Variants in AK8 observed in about 807,000 individuals in gnomAD.
AK8 encodes the protein adenylate kinase 8.
A neutral mutation model predicts 54.6 loss-of-function variants in AK8; 44 were observed. The observed-to-expected ratio is 0.81, with a 90% CI of 0.63 to 1.04. The LOEUF (loss-of-function observed/expected upper bound fraction) is 1.04, where lower values mean the gene tolerates loss of function less well. Among genes scored for constraint, AK8 ranks in the 50% least tolerant of loss-of-function variants. The probability of loss-of-function intolerance (pLI) is 0.00; values close to 1 mark genes in which losing one functional copy is unlikely to be tolerated. For synonymous variants in AK8, 239 were observed against 245.6 expected (o/e 0.97, Z 0.25); for missense variants, 555 against 613.6 (o/e 0.90, Z 1.01).
At chr9:132,771,209 T>C (rs552168860) in intron 11 of AK8, among the ~76,000 whole-genome samples, 3 of 152,288 alleles carry the variant, frequency 2.0e-5, no homozygotes, top group Admixed American at 2.0e-4. Context: ...CACCCTTTCC[T>C]GGTCTTGCTG....
rs1340737830 is a variant in AK8 at position 132,826,856 on chromosome 9, T to C, written c.755A>G (p.Gln252Arg). The C allele has an allele frequency of 6.2e-7, 1 of 1,614,226 alleles. No homozygotes were observed. The highest frequency in any genetic ancestry group is 2.2e-5 in the East Asian group (1 of 44,890). The change falls in exon 8 of 13, where the codon CAG (glutamine) becomes CGG (arginine). Residue 252 changes from glutamine (Q) to arginine (R), a missense_variant and splice_region_variant. Transcript: ENST00000298545. This position sits in a 1 kb window ranked among gnomAD's most constrained non-coding sequence, Gnocchi z 4.5. ...ADQPCVDVFY[Q>R]ALTYVQSNHR... ...TGGGGCTGCCTGCTTGTGTTTACCC[T>C]GGTAGAAGACGTCCACACATGGCTG...
chr9:132,784,264 A>G lies in AK8; in HGVS notation c.1121+8370T>C, dbSNP rs1330154116. 6.9e-5 allele frequency among the ~76,000 whole-genome samples: 9 copies of G among 130,876 alleles called. No homozygotes were observed. The Admixed American group carries it at 7.1e-4, about 10-fold the overall frequency. 85.9% of individuals were successfully genotyped at this position (130,876 alleles called of 152,430 possible). A position where few individuals can be genotyped will look rare whatever the true frequency, so the allele number is the denominator to read the frequency against. On this transcript the variant is annotated intron_variant, in intron 11 of 12. Transcript: ENST00000298545. ...GCCGGGCGCAGTGGCTCATGCCTGT[A>G]ATCCCAGCACTTTGGGAGGTTGAGG...
chr9:132,850,054 A>ATT (rs779350912), intron 5 of AK8, among the ~76,000 whole-genome samples: 9,276 of 101,280 alleles, frequency 0.092, 394 homozygotes, highest in Admixed American at 0.14. Flanking sequence ...ACCCTAGTAC[A>ATT]TTTTTTTTTT....
Position 132,727,281 on chromosome 9 carries a change from C to T in AK8, c.1202+173G>A, listed in dbSNP as rs7856950. ...TCCTGGTTATTCTTCCAGGCAAAGA[C>T]GGTCAACAGATATTGCACAGAACAG... On this transcript the variant is annotated intron_variant, in intron 12 of 12. Coordinates refer to ENST00000298545, the MANE Select transcript of AK8 (RefSeq NM_152572.3). 1.8e-4 allele frequency among the ~76,000 whole-genome samples: 28 copies of T among 152,122 alleles called. No homozygotes were observed. In the East Asian group the frequency reaches 3.1e-3, roughly 17 times the overall value.
chr9:132,875,057 GGAA>G, intron 2 of AK8, 55 bp downstream of exon 2: 1 of 1,603,396 alleles, frequency 6.2e-7, no homozygotes, highest in Non-Finnish European at 8.5e-7. Flanking sequence ...GGGAAGAAGG[GGAA>G]GGAGGAGGAG....
chr9:132,748,727 A>T (rs1176501636), intron 11 of AK8, among the ~76,000 whole-genome samples: 1 of 151,852 alleles, frequency 6.6e-6, no homozygotes, highest in Non-Finnish European at 1.5e-5. Flanking sequence ...TAAAAGATGC[A>T]AATATGTACT....
At chr9:132,730,316 C>T (rs934604319) in intron 11 of AK8, among the ~76,000 whole-genome samples, 1 of 152,162 alleles carries the variant, frequency 6.6e-6, no homozygotes, top group South Asian at 2.1e-4. Context: ...ACAGGTGTCA[C>T]CTGCTCTGTC....
At chr9:132,773,067 A>G (rs749313254) in intron 11 of AK8, among the ~76,000 whole-genome samples, 2 of 152,160 alleles carry the variant, frequency 1.3e-5, no homozygotes, top group African/African-American at 2.4e-5. Context: ...ACATCACTCC[A>G]AGGAAAAGCC....
At chr9:132,869,806 G>A (rs1194649561) in intron 2 of AK8, among the ~76,000 whole-genome samples, 1 of 152,238 alleles carries the variant, frequency 6.6e-6, no homozygotes, top group African/African-American at 2.4e-5. Context: ...GGTTTGTGGG[G>A]AGGAGTGGCA....
At chr9:132,821,850 A>C (rs1348625169) in intron 9 of AK8, among the ~76,000 whole-genome samples, 4 of 76,558 alleles carry the variant, frequency 5.2e-5, no homozygotes, top group Non-Finnish European at 7.2e-5. Flanking sequence ...TGTATATACA[A>C]ATATATACAT....
At position 132,826,961 on chromosome 9, in the gene AK8, T is replaced by G; in HGVS notation, c.650A>C (p.Gln217Pro). 2 of 1,614,264 alleles carry G rather than the reference T, an allele frequency of 1.2e-6. No individual in the cohort carries two copies. Among genetic ancestry groups the G allele is most frequent in the Non-Finnish European group, 1.7e-6 (2 of 1,180,036 alleles). The change falls in exon 8 of 13, where the codon CAG (glutamine) becomes CCG (proline). Residue 217 changes from glutamine to proline, a missense_variant. Gln to Pro is a moderately conservative substitution (Grantham distance 76). Coordinates refer to ENST00000298545, the MANE Select transcript of AK8 (RefSeq NM_152572.3). This position sits in a 1 kb window ranked among gnomAD's most constrained non-coding sequence, Gnocchi z 4.5. ...PEDISELETAQKLLEYHRNIV... is the reference protein window; with the variant it reads ...PEDISELETAPKLLEYHRNIV... ...GTTCCTATGATACTCCAGCAGTTTCTGAGCCGTCTCCAGCTCTGAGATGTC... is the reference window on the plus strand; with the variant it reads ...GTTCCTATGATACTCCAGCAGTTTCGGAGCCGTCTCCAGCTCTGAGATGTC...
chr9:132,844,683 A>T (rs977072198), intron 5 of AK8, among the ~76,000 whole-genome samples: 1 of 152,216 alleles, frequency 6.6e-6, no homozygotes, highest in African/African-American at 2.4e-5. Context: ...ATTGAAGGAG[A>T]TATTTCTTTA....
chr9:132,765,395 C>G (rs904899150), intron 11 of AK8, among the ~76,000 whole-genome samples: 1 of 149,938 alleles, frequency 6.7e-6, no homozygotes, highest in African/African-American at 2.4e-5. Flanking sequence ...TGCAATAGAT[C>G]ACACCAACAG....
chr9:132,771,092 C>T (rs2131089194), intron 11 of AK8, among the ~76,000 whole-genome samples: 1 of 152,278 alleles, frequency 6.6e-6, no homozygotes, highest in Non-Finnish European at 1.5e-5. Context: ...CCAGGGACTC[C>T]GTCTCAGTCC....
upstream of AK8, chr9:132,878,612 G>A: frequency 1.9e-6 from 2 of 1,076,122 alleles, no homozygotes; most frequent in Non-Finnish European, 2.3e-6. This position sits in a 1 kb window ranked among gnomAD's most constrained non-coding sequence, Gnocchi z 4.7. Flanking sequence ...GGTTCTGTCA[G>A]TGCTCCCCGG....
At chr9:132,801,745 G>A (rs915623124) in intron 10 of AK8, among the ~76,000 whole-genome samples, 4 of 152,198 alleles carry the variant, frequency 2.6e-5, no homozygotes, top group Admixed American at 1.3e-4. Flanking sequence ...TGATGAGCCT[G>A]GCCCTGTTCT....
chr9:132,801,373 A>G (rs1415092988), intron 10 of AK8, among the ~76,000 whole-genome samples: 1 of 152,206 alleles, frequency 6.6e-6, no homozygotes, highest in Non-Finnish European at 1.5e-5. Flanking sequence ...GTGCAGAATG[A>G]TTTGACAATT....
chr9:132,808,030 T>C (rs1840803754), intron 10 of AK8, among the ~76,000 whole-genome samples: 1 of 152,064 alleles, frequency 6.6e-6, no homozygotes, highest in Admixed American at 6.6e-5. Flanking sequence ...ACACATGCTG[T>C]AGAACACGGT....
At chr9:132,745,928 A>G (rs535412171) in intron 11 of AK8, among the ~76,000 whole-genome samples, 9 of 152,168 alleles carry the variant, frequency 5.9e-5, no homozygotes, top group African/African-American at 2.2e-4. Context: ...GAGCAAATGC[A>G]CCCTCCCCAA....
Sources: allele counts gnomAD v4.1 joint callset (sites outside exome capture counted in the v4.1 genomes callset), GRCh38; gene constraint gnomAD v4.1.1; non-coding constraint Gnocchi (gnomAD v3.1); transcripts MANE v1.5; gene names NCBI Gene and HGNC (gene_info 2026-07-23, HGNC 2026-07-21).